The following NPEPPS variants were observed in gnomAD, a reference collection of about 807,000 sequenced individuals.
NPEPPS encodes the protein aminopeptidase puromycin sensitive.
NPEPPS carries 14 observed loss-of-function variants against 115.5 expected under a neutral mutation model. The ratio of observed to expected loss-of-function variants is 0.12; its 90% CI spans 0.08 to 0.19. The LOEUF (loss-of-function observed/expected upper bound fraction) is 0.19. Ranked by LOEUF, NPEPPS falls within the 10% of genes least tolerant of loss-of-function variation. NPEPPS has a pLI of 1.00. For synonymous variants in NPEPPS, 285 were observed against 390.6 expected, an observed-to-expected ratio of 0.73 and a Z score of 3.19; for missense variants, 523 against 1,110.8, an observed-to-expected ratio of 0.47 and a Z score of 7.52.
upstream of NPEPPS, among the ~76,000 whole-genome samples, chr17:47,530,690 CCTTTGAATTTGCTA>C (rs1907674110): frequency 6.6e-6 from 1 of 152,188 alleles, no homozygotes; most frequent in Non-Finnish European, 1.5e-5. Context: ...TTCAAATCAT[CCTTTGAATTTGCTA>C]CTTAACAGGA....
chr17:47,610,649 T>G (rs1022412069), intron 17 of NPEPPS, among the ~76,000 whole-genome samples: 2 of 151,882 alleles, frequency 1.3e-5, no homozygotes, highest in Non-Finnish European at 2.9e-5. Context: ...CCCAAAGTGC[T>G]GGGATTACAG....
At chr17:47,576,165 T>C (rs1210350567) in intron 3 of NPEPPS, among the ~76,000 whole-genome samples, 1 of 152,108 alleles carries the variant, frequency 6.6e-6, no homozygotes, top group Non-Finnish European at 1.5e-5. Flanking sequence ...TCTGGGATAG[T>C]GATTAAATTA....
chr17:47,572,862 A>G (rs1911282742), intron 3 of NPEPPS, among the ~76,000 whole-genome samples: 1 of 151,986 alleles, frequency 6.6e-6, no homozygotes, highest in African/African-American at 2.4e-5. Flanking sequence ...CACAGCCTCC[A>G]CCTCGTGGGT....
At chr17:47,607,699 T>C (rs1395944168) in intron 17 of NPEPPS, among the ~76,000 whole-genome samples, 2 of 152,138 alleles carry the variant, frequency 1.3e-5, no homozygotes, top group East Asian at 3.9e-4. Context: ...TGGTAAAGTC[T>C]GTGTATATTT....
At chr17:47,524,589 G>T (rs1480100333) in intron 1 of NPEPPS, among the ~76,000 whole-genome samples, 4 of 151,762 alleles carry the variant, frequency 2.6e-5, no homozygotes, top group African/African-American at 7.3e-5. Flanking sequence ...CTGCCTCCCG[G>T]GTTCACACCA....
At chr17:47,608,734 G>T (rs1225810674) in intron 17 of NPEPPS, among the ~76,000 whole-genome samples, 1 of 152,192 alleles carries the variant, frequency 6.6e-6, no homozygotes, top group African/African-American at 2.4e-5. Flanking sequence ...GGACTGGCCA[G>T]TGAGGTAGAA....
chr17:47,552,967 CT>C (rs2093786009), intron 2 of NPEPPS, among the ~76,000 whole-genome samples: 1 of 152,098 alleles, frequency 6.6e-6, no homozygotes, highest in African/African-American at 2.4e-5. Flanking sequence ...CGGTTTGGAT[CT>C]AGGGTCCATG....
At chr17:47,567,543 A>G (rs915149995) in intron 2 of NPEPPS, among the ~76,000 whole-genome samples, 1 of 152,110 alleles carries the variant, frequency 6.6e-6, no homozygotes, top group Non-Finnish European at 1.5e-5. Flanking sequence ...TAATAGCTTT[A>G]TTGATGTATA....
rs140785441 is a variant in NPEPPS, at chr17:47,536,693, G to A, written c.255+5138G>A. On this transcript the variant is annotated intron_variant, in intron 1 of 22. Transcript: ENST00000322157. ...TATGGGCGTGAGCCACCGAGCCACC[G>A]TGCCTGGCTTCTTTTTTTTTTTTTT... Among the ~76,000 whole-genome samples, 234 of 138,956 alleles carry A rather than the reference G, an allele frequency of 1.7e-3. 3 individuals carry two copies. Among genetic ancestry groups the A allele is most frequent in the Admixed American group, 0.013 (174 of 12,890 alleles). 91.2% of individuals were successfully genotyped at this position (138,956 alleles called of 152,430 possible).
intron 5 of NPEPPS, among the ~76,000 whole-genome samples, chr17:47,583,626 A>T (rs1473554222): frequency 2.6e-5 from 4 of 151,794 alleles, no homozygotes; most frequent in African/African-American, 9.7e-5. Context: ...ATTAAATGTC[A>T]TAAGAAAGCC....
chr17:47,544,631 T>G (rs1260520525), intron 1 of NPEPPS, among the ~76,000 whole-genome samples: 1 of 151,312 alleles, frequency 6.6e-6, no homozygotes, highest in Non-Finnish European at 1.5e-5. Context: ...CCTCCCGGGT[T>G]TAAGCAATTG....
chr17:47,564,085 ACCATG>A, intron 2 of NPEPPS, among the ~76,000 whole-genome samples: 1 of 151,808 alleles, frequency 6.6e-6, no homozygotes, highest in Non-Finnish European at 1.5e-5. Context: ...GGCGCACGCC[ACCATG>A]CCCTGCTAAT....
At chr17:47,600,078 A>G (rs539069822) in intron 14 of NPEPPS, among the ~76,000 whole-genome samples, 2 of 152,254 alleles carry the variant, frequency 1.3e-5, no homozygotes, top group African/African-American at 2.4e-5. Flanking sequence ...TCAGCCTCCC[A>G]AAGTGTTGGT....
At chr17:47,534,660 C>T (rs186328049) in intron 1 of NPEPPS, among the ~76,000 whole-genome samples, 3 of 152,100 alleles carry the variant, frequency 2.0e-5, no homozygotes, top group African/African-American at 7.2e-5. Context: ...GTGCCCCTGC[C>T]GGGTTCAAGC....
At chr17:47,525,598 C>G (rs1907399637) in intron 1 of NPEPPS, among the ~76,000 whole-genome samples, 1 of 152,142 alleles carries the variant, frequency 6.6e-6, no homozygotes, top group African/African-American at 2.4e-5. Context: ...CCACCTTGGC[C>G]TCCCATAGTG....
intron 18 of NPEPPS, among the ~76,000 whole-genome samples, chr17:47,613,038 T>A (rs1045838305): frequency 2.0e-5 from 3 of 152,094 alleles, no homozygotes; most frequent in Non-Finnish European, 4.4e-5. Flanking sequence ...CACGTCTAAC[T>A]CTATTTTAAT....
intron 17 of NPEPPS, among the ~76,000 whole-genome samples, chr17:47,607,208 A>T (rs1260769782): frequency 6.6e-6 from 1 of 152,090 alleles, no homozygotes; most frequent in African/African-American, 2.4e-5. Flanking sequence ...AAAGAAAAAG[A>T]AAGTCGTCAG....
rs1351933350 is a variant in NPEPPS at position 47,560,825 on chromosome 17, A to G, written c.341-8592A>G. ...GGGAAGTTGCTATCTGAATAAAAAA[A>G]CAAAACAAAACCTCACAATGTGTTT... On this transcript the variant is annotated intron_variant, in intron 2 of 22. Transcript: ENST00000322157. Among the ~76,000 whole-genome samples the G allele has an allele frequency of 4.6e-5, 7 of 152,344 alleles. No homozygotes were observed. In the South Asian group the frequency reaches 1.2e-3, roughly 27 times the overall value.
intron 3 of NPEPPS, among the ~76,000 whole-genome samples, chr17:47,574,788 CGT>C (rs1597853232): frequency 6.6e-6 from 1 of 152,030 alleles, no homozygotes; most frequent in Non-Finnish European, 1.5e-5. Context: ...GACAGGGTCT[CGT>C]TATGTTGCCT....
Sources: allele counts gnomAD v4.1 joint callset (sites outside exome capture counted in the v4.1 genomes callset), GRCh38; gene constraint gnomAD v4.1.1; transcripts MANE v1.5; gene names NCBI Gene and HGNC (gene_info 2026-07-23, HGNC 2026-07-21).